DOK6: variants seen among roughly 807,000 people sequenced by gnomAD.
DOK6 encodes docking protein 6, also known as downstream of tyrosine kinase 6.
DOK6 carries 22 observed loss-of-function variants against 44.0 expected under a neutral mutation model. That is an observed-to-expected ratio of 0.50 (90% CI 0.36 to 0.71). The LOEUF (loss-of-function observed/expected upper bound fraction) is 0.71. DOK6 is among the 30% of genes least tolerant of loss of function. The pLI, the probability that DOK6 is intolerant of heterozygous loss-of-function variation, is 0.00. For missense variants in DOK6, 340 were observed against 416.4 expected (o/e 0.82, Z 1.60); for synonymous variants, 166 against 145.5 (o/e 1.14, Z -1.01).
At chr18:69,579,672 T>G (rs1983319097) in intron 2 of DOK6, among the ~76,000 whole-genome samples, 1 of 152,110 alleles carries the variant, frequency 6.6e-6, no homozygotes, top group South Asian at 2.1e-4. Context: ...CAAATGATTC[T>G]CCTGCCTCAG....
chr18:69,694,451 C>G (rs1462945166), intron 4 of DOK6, among the ~76,000 whole-genome samples: 5 of 148,466 alleles, frequency 3.4e-5, no homozygotes, highest in Non-Finnish European at 7.5e-5. Context: ...AAATTATACA[C>G]TTTATTATAG....
chr18:69,779,360 C>T (rs932959353), intron 7 of DOK6, among the ~76,000 whole-genome samples: 2 of 151,994 alleles, frequency 1.3e-5, no homozygotes, highest in Non-Finnish European at 2.9e-5. Context: ...TGTCCCTGCA[C>T]GCTCACTAGA....
chr18:69,564,672 A>AAT, intron 2 of DOK6, 78 bp downstream of exon 2: 1 of 1,171,482 alleles, frequency 8.5e-7, no homozygotes, highest in Non-Finnish European at 1.2e-6. Context: ...TGATAAATGA[A>AAT]ATCTTCAGTG....
At chr18:69,677,115 A>G (rs1985939851) in intron 3 of DOK6, among the ~76,000 whole-genome samples, 1 of 152,200 alleles carries the variant, frequency 6.6e-6, no homozygotes, top group Admixed American at 6.5e-5. Flanking sequence ...ATCACATTCT[A>G]GAGCTGATTT....
chr18:69,653,751 A>C (rs1985291332), intron 3 of DOK6, among the ~76,000 whole-genome samples: 1 of 152,228 alleles, frequency 6.6e-6, no homozygotes, highest in Non-Finnish European at 1.5e-5. Context: ...GATAAAGATA[A>C]CATCATTCAG....
At chr18:69,670,513 T>G (rs1447776368) in intron 3 of DOK6, among the ~76,000 whole-genome samples, 1 of 125,264 alleles carries the variant, frequency 8.0e-6, no homozygotes, top group East Asian at 2.0e-4. Flanking sequence ...TGCATCAATT[T>G]TTTTTTTTTT....
intron 1 of DOK6, among the ~76,000 whole-genome samples, chr18:69,544,094 T>A (rs1173767706): frequency 1.1e-4 from 16 of 142,130 alleles, no homozygotes; most frequent in Non-Finnish European, 2.0e-4. Flanking sequence ...CTGTCTCTAC[T>A]AAAAAAAAAA....
At chr18:69,740,194 CTG>C (rs1397262707) in intron 6 of DOK6, among the ~76,000 whole-genome samples, 6 of 152,150 alleles carry the variant, frequency 3.9e-5, no homozygotes, top group African/African-American at 1.2e-4. Context: ...TAGGATGAGA[CTG>C]TGGGGTTGAC....
chr18:69,619,425 T>C (rs1168898799), intron 3 of DOK6, among the ~76,000 whole-genome samples: 3 of 152,204 alleles, frequency 2.0e-5, no homozygotes, highest in Non-Finnish European at 2.9e-5. Flanking sequence ...ACCTTCATGA[T>C]CGTGGGTGTC....
chr18:69,465,388 G>A (rs1007420614), intron 1 of DOK6, among the ~76,000 whole-genome samples: 5 of 151,842 alleles, frequency 3.3e-5, no homozygotes, highest in Non-Finnish European at 4.4e-5. Flanking sequence ...CATATGCCAT[G>A]CTGGTGTGCT....
chr18:69,698,686 C>T, intron 5 of DOK6, 93 bp downstream of exon 5: 2 of 1,256,428 alleles, frequency 1.6e-6, no homozygotes, highest in Non-Finnish European at 2.1e-6. Flanking sequence ...CCATCATTGC[C>T]CCCAGTGAGC....
rs566033049 is a variant in DOK6 at position 69,827,018 on chromosome 18, G to A, written c.857-14226G>A. On this transcript the variant is annotated intron_variant, in intron 7 of 7. Transcript: ENST00000382713. The stretch of plus-strand genomic sequence containing the variant: ...AAGCTTCTTTTTAATCTCTGTACTA[G>A]TCTTGCATAAAAACAATTGTTTGAT... Among the ~76,000 whole-genome samples the A allele has an allele frequency of 3.9e-5, 6 of 152,178 alleles. No homozygotes were observed. The South Asian group carries it at 1.0e-3, about 26-fold the overall frequency.
chr18:69,668,889 T>TGTC (rs1555721811), intron 3 of DOK6, among the ~76,000 whole-genome samples: 1 of 152,200 alleles, frequency 6.6e-6, no homozygotes. Flanking sequence ...AAAAGTACTT[T>TGTC]GTCAATGAAA....
intron 5 of DOK6, among the ~76,000 whole-genome samples, chr18:69,719,798 C>T (rs1986965805): frequency 6.6e-6 from 1 of 152,154 alleles, no homozygotes; most frequent in Non-Finnish European, 1.5e-5. Context: ...ATGGTGTCAG[C>T]TATGTTAGAT....
chr18:69,536,948 T>C (rs1230901958), intron 1 of DOK6, among the ~76,000 whole-genome samples: 2 of 150,008 alleles, frequency 1.3e-5, no homozygotes, highest in Non-Finnish European at 1.5e-5. Flanking sequence ...CACAAGAATG[T>C]TCACATTAAC....
chr18:69,563,307 A>G, intron 1 of DOK6, among the ~76,000 whole-genome samples: 1 of 152,182 alleles, frequency 6.6e-6, no homozygotes, highest in South Asian at 2.1e-4. Context: ...CTGGGTATAT[A>G]CCCAAAAGAT....
At chr18:69,785,000 C>T (rs998333801) in intron 7 of DOK6, among the ~76,000 whole-genome samples, 3 of 152,190 alleles carry the variant, frequency 2.0e-5, no homozygotes, top group African/African-American at 7.2e-5. Flanking sequence ...AGCATAATCT[C>T]ATGCTATATG....
chr18:69,702,137 T>G (rs1986535258), intron 5 of DOK6, among the ~76,000 whole-genome samples: 1 of 149,270 alleles, frequency 6.7e-6, no homozygotes, highest in Admixed American at 6.7e-5. Flanking sequence ...TGGGTTGGTT[T>G]TTTTTTTTTT....
intron 7 of DOK6, among the ~76,000 whole-genome samples, chr18:69,810,300 C>A (rs1313512365): frequency 6.6e-6 from 1 of 151,894 alleles, no homozygotes; most frequent in East Asian, 1.9e-4. Flanking sequence ...ACATAATATA[C>A]AAAAATCAAC....
Sources: gnomAD v4.1 joint callset for allele counts (sites outside exome capture counted in the v4.1 genomes callset) on GRCh38, gnomAD v4.1.1 for gene constraint, MANE v1.5 for transcripts, NCBI Gene and HGNC (gene_info 2026-07-23, HGNC 2026-07-21) for gene names.